Variants in WWC2 observed in about 807,000 individuals in gnomAD.
WWC2 encodes protein WWC2.
Under a neutral mutation model 138.5 loss-of-function variants are expected in WWC2, and 101 were observed. That is an observed-to-expected ratio of 0.73 (90% CI 0.62 to 0.86). The LOEUF (loss-of-function observed/expected upper bound fraction) is 0.86. WWC2 is among the 40% of genes least tolerant of loss of function. The probability of loss-of-function intolerance (pLI) is 0.00; values close to 1 mark genes in which losing one functional copy is unlikely to be tolerated. For synonymous variants in WWC2, 558 were observed against 538.4 expected (o/e 1.04, Z -0.50); for missense variants, 1,420 against 1,419.4 (o/e 1.00, Z -0.01).
chr4:183,127,268 A>G (rs1732790373), intron 1 of WWC2, among the ~76,000 whole-genome samples: 1 of 152,242 alleles, frequency 6.6e-6, no homozygotes, highest in South Asian at 2.1e-4. Flanking sequence ...CTTTCGAGGC[A>G]TTATATAAAA....
chr4:183,281,663 G>A (rs947190372), intron 17 of WWC2, among the ~76,000 whole-genome samples: 2 of 152,092 alleles, frequency 1.3e-5, no homozygotes, highest in Admixed American at 1.3e-4. Context: ...AGAGTGACAC[G>A]ATATATCATA....
chr4:183,259,139 TTAATTGC>T (rs1237158075), intron 9 of WWC2, among the ~76,000 whole-genome samples: 2 of 152,190 alleles, frequency 1.3e-5, no homozygotes, highest in Non-Finnish European at 2.9e-5. Context: ...AAATTGTTTC[TTAATTGC>T]TAATTCTTAT....
intron 17 of WWC2, among the ~76,000 whole-genome samples, chr4:183,282,145 G>A (rs887103650): frequency 6.6e-6 from 1 of 152,156 alleles, no homozygotes; most frequent in Admixed American, 6.6e-5. Flanking sequence ...CATATAAGCT[G>A]TATTTATATT....
chr4:183,310,323 C>G (rs1560899184), intron 21 of WWC2, among the ~76,000 whole-genome samples: 1 of 152,126 alleles, frequency 6.6e-6, no homozygotes. Context: ...AATGAGAACT[C>G]TACTTTCCAC....
At chr4:183,237,630 C>T (rs1736468709) in intron 4 of WWC2, among the ~76,000 whole-genome samples, 1 of 152,062 alleles carries the variant, frequency 6.6e-6, no homozygotes, top group Non-Finnish European at 1.5e-5. Flanking sequence ...TAAACTGGGC[C>T]TTGAAACATA....
chr4:183,267,811 G>T (rs893578583), intron 14 of WWC2, among the ~76,000 whole-genome samples: 3 of 152,268 alleles, frequency 2.0e-5, no homozygotes, highest in Admixed American at 2.0e-4. Context: ...GACATATATA[G>T]CAATCTTTCC....
At chr4:183,165,592 T>G (rs1415911739) in intron 1 of WWC2, among the ~76,000 whole-genome samples, 1 of 152,078 alleles carries the variant, frequency 6.6e-6, no homozygotes, top group Non-Finnish European at 1.5e-5. Flanking sequence ...GCAGAATGCT[T>G]TTAGATATTT....
At chr4:183,128,975 T>G (rs1732842474) in intron 1 of WWC2, among the ~76,000 whole-genome samples, 1 of 152,248 alleles carries the variant, frequency 6.6e-6, no homozygotes, top group African/African-American at 2.4e-5. Context: ...AGTACTGTAT[T>G]GCCTGGTGGA....
In WWC2 at chr4:183,239,503, T is replaced by G. The variant is rs528619895; in HGVS notation, c.523-680T>G. ...ATATTTGACAACAGGAAAAATATAT[T>G]TTATCAGTTTGACAACAAATATTTA... On this transcript the variant is annotated intron_variant, in intron 4 of 22. Transcript: ENST00000403733. Among the ~76,000 whole-genome samples, 4 of 152,306 alleles carry G rather than the reference T, an allele frequency of 2.6e-5. No individual in the cohort carries two copies. In the East Asian group the frequency reaches 5.8e-4, roughly 22 times the overall value.
Position 183,319,705 on chromosome 4 carries a change from C to T in WWC2, c.*3976C>T. 3 of 1,614,130 alleles carry T rather than the reference C, an allele frequency of 1.9e-6. No homozygotes were observed. Among genetic ancestry groups the T allele is most frequent in the Non-Finnish European group, 2.5e-6 (3 of 1,180,048 alleles). ...CCTCCTAGCAGAAGAGAAAGTCCAG[C>T]AAACCAGCCCAGAAACAGGGCCTCC... On this transcript the variant is annotated 3_prime_UTR_variant, in exon 23 of 23. Coordinates refer to ENST00000403733, the MANE Select transcript of WWC2 (RefSeq NM_024949.6).
chr4:183,218,532 G>T (rs1560848855), intron 4 of WWC2, among the ~76,000 whole-genome samples: 2 of 152,140 alleles, frequency 1.3e-5, no homozygotes, highest in Non-Finnish European at 2.9e-5. Context: ...AATCTAGGAA[G>T]ATATTTGTTA....
chr4:183,243,275 C>T (rs1034984247), intron 5 of WWC2, among the ~76,000 whole-genome samples: 1 of 152,116 alleles, frequency 6.6e-6, no homozygotes, highest in Non-Finnish European at 1.5e-5. Flanking sequence ...GAAGAAATTA[C>T]TTGAGTTTTA....
intron 1 of WWC2, among the ~76,000 whole-genome samples, chr4:183,185,132 C>CA (rs1734751655): frequency 1.3e-5 from 2 of 151,996 alleles, no homozygotes; most frequent in African/African-American, 4.8e-5. Flanking sequence ...AGGTCCTTCC[C>CA]AAATCTACTG....
intron 1 of WWC2, among the ~76,000 whole-genome samples, chr4:183,122,078 C>A (rs1400574069): frequency 1.3e-5 from 2 of 152,130 alleles, no homozygotes; most frequent in African/African-American, 4.8e-5. Context: ...AGCCACCACG[C>A]CCAGCCAAGA....
chr4:183,112,667 A>G (rs1389628985), intron 1 of WWC2, among the ~76,000 whole-genome samples: 2 of 152,176 alleles, frequency 1.3e-5, no homozygotes, highest in African/African-American at 4.8e-5. Flanking sequence ...TGGATTTTAT[A>G]TTCTACTTTG....
At chr4:183,212,264 A>G (rs1052354850) in intron 4 of WWC2, among the ~76,000 whole-genome samples, 2 of 152,160 alleles carry the variant, frequency 1.3e-5, no homozygotes, top group Admixed American at 1.3e-4. Flanking sequence ...ACTGGAAGCA[A>G]ACCTCTTTAG....
intron 1 of WWC2, among the ~76,000 whole-genome samples, chr4:183,118,933 A>C (rs1285027846): frequency 6.7e-6 from 1 of 149,040 alleles, no homozygotes; most frequent in African/African-American, 2.5e-5. Flanking sequence ...TTTTTTTTGT[A>C]ATCCTGTCTC....
intron 4 of WWC2, among the ~76,000 whole-genome samples, chr4:183,221,350 A>G (rs1735930664): frequency 6.6e-6 from 1 of 152,256 alleles, no homozygotes. Context: ...ATAGTTGGAC[A>G]TGATAGAATG....
intron 2 of WWC2, among the ~76,000 whole-genome samples, chr4:183,205,760 G>A (rs1735430446): frequency 6.6e-6 from 1 of 152,068 alleles, no homozygotes; most frequent in African/African-American, 2.4e-5. Context: ...ACTTTGCTGT[G>A]GTCTCCACTG....
Sources: gnomAD v4.1 joint callset for allele counts (sites outside exome capture counted in the v4.1 genomes callset) on GRCh38, gnomAD v4.1.1 for gene constraint, MANE v1.5 for transcripts, NCBI Gene and HGNC (gene_info 2026-07-23, HGNC 2026-07-21) for gene names.